Variants in CDH12 observed in about 807,000 individuals in gnomAD.
CDH12 encodes the protein cadherin 12.
Under a neutral mutation model 74.1 loss-of-function variants are expected in CDH12, and 41 were observed. That is an observed-to-expected ratio of 0.55 (90% confidence interval 0.43 to 0.72). CDH12 has a LOEUF of 0.72. Ranked by LOEUF, CDH12 falls within the 30% of genes least tolerant of loss-of-function variation. The pLI, the probability that CDH12 is intolerant of heterozygous loss-of-function variation, is 0.00. For synonymous variants in CDH12, 399 were observed against 355.0 expected (o/e 1.12, Z -1.39); for missense variants, 945 against 977.2 (o/e 0.97, Z 0.44).
chr5:22,497,059 G>A (rs1483607321), intron 2 of CDH12, among the ~76,000 whole-genome samples: 1 of 152,108 alleles, frequency 6.6e-6, no homozygotes, highest in Admixed American at 6.5e-5. Flanking sequence ...TGAACATAAT[G>A]TTAATAGTGC....
intron 4 of CDH12, among the ~76,000 whole-genome samples, chr5:22,080,811 G>T: frequency 6.6e-6 from 1 of 150,698 alleles, no homozygotes; most frequent in Non-Finnish European, 1.5e-5. Context: ...ATGGAGTCTT[G>T]CTGTGTCTCC....
intron 6 of CDH12, among the ~76,000 whole-genome samples, chr5:21,967,559 C>T (rs760164441): frequency 3.3e-5 from 5 of 151,460 alleles, no homozygotes; most frequent in Non-Finnish European, 5.9e-5. Context: ...TTGGTGGTTT[C>T]GAAAAAAAAG....
At chr5:22,166,932 C>G (rs1748716178) in intron 4 of CDH12, among the ~76,000 whole-genome samples, 1 of 152,056 alleles carries the variant, frequency 6.6e-6, no homozygotes, top group African/African-American at 2.4e-5. Flanking sequence ...ATAAGTAATA[C>G]TCTGTAAATA....
At chr5:22,300,365 A>T (rs1367369706) in intron 3 of CDH12, among the ~76,000 whole-genome samples, 1 of 152,126 alleles carries the variant, frequency 6.6e-6, no homozygotes, top group East Asian at 1.9e-4. Flanking sequence ...ATATATTTTT[A>T]AAAAGACTGT....
At chr5:22,265,826 T>C (rs1329235510) in intron 3 of CDH12, among the ~76,000 whole-genome samples, 1 of 151,954 alleles carries the variant, frequency 6.6e-6, no homozygotes, top group East Asian at 1.9e-4. Context: ...TATAAAGCAA[T>C]ATGAACAGGT....
intron 3 of CDH12, among the ~76,000 whole-genome samples, chr5:22,247,533 G>A (rs534153906): frequency 6.6e-6 from 1 of 152,156 alleles, no homozygotes; most frequent in East Asian, 1.9e-4. Context: ...AAATTAACTG[G>A]GCATGGTGGC....
chr5:22,577,757 T>G (rs1241254950), intron 1 of CDH12, among the ~76,000 whole-genome samples: 1 of 152,138 alleles, frequency 6.6e-6, no homozygotes, highest in Non-Finnish European at 1.5e-5. Flanking sequence ...TTATCCCAAG[T>G]TTTCTTTTCT....
intron 6 of CDH12, among the ~76,000 whole-genome samples, chr5:21,907,100 C>A (rs1245370877): frequency 6.6e-6 from 1 of 152,164 alleles, no homozygotes; most frequent in Non-Finnish European, 1.5e-5. Context: ...CTGTTATGTG[C>A]CGGGGAGACT....
At chr5:21,954,976 T>C (rs1174983947) in intron 6 of CDH12, among the ~76,000 whole-genome samples, 1 of 152,086 alleles carries the variant, frequency 6.6e-6, no homozygotes, top group Non-Finnish European at 1.5e-5. Flanking sequence ...CCCCAGAAGA[T>C]ACACAATGAA....
At chr5:21,921,253 C>A (rs947786837) in intron 6 of CDH12, among the ~76,000 whole-genome samples, 2 of 152,026 alleles carry the variant, frequency 1.3e-5, no homozygotes, top group African/African-American at 4.8e-5. Context: ...TTTTTTTAAG[C>A]CTTAAAATCA....
intron 1 of CDH12, among the ~76,000 whole-genome samples, chr5:22,817,411 C>A (rs576196465): frequency 1.1e-4 from 16 of 152,076 alleles, no homozygotes; most frequent in African/African-American, 2.9e-4. Context: ...AATAATTTGA[C>A]TTACAAATAT....
chr5:22,686,440 A>T (rs1451809881), intron 1 of CDH12, among the ~76,000 whole-genome samples: 1 of 152,224 alleles, frequency 6.6e-6, no homozygotes, highest in Non-Finnish European at 1.5e-5. Flanking sequence ...CATGTTCAAG[A>T]AGTCTTCGCC....
chr5:22,282,538 T>G (rs1314720074), intron 3 of CDH12, among the ~76,000 whole-genome samples: 2 of 151,638 alleles, frequency 1.3e-5, no homozygotes, highest in African/African-American at 4.8e-5. Context: ...GAACTTAAAT[T>G]TACAAGCAAA....
chr5:22,670,742 CTA>C (rs1366746560), intron 1 of CDH12, among the ~76,000 whole-genome samples: 11 of 151,848 alleles, frequency 7.2e-5, no homozygotes, highest in African/African-American at 2.7e-4. Context: ...AAAATAAACT[CTA>C]GACTTTTTAT....
At chr5:22,400,242 A>G (rs1478462758) in intron 3 of CDH12, among the ~76,000 whole-genome samples, 1 of 151,958 alleles carries the variant, frequency 6.6e-6, no homozygotes, top group Non-Finnish European at 1.5e-5. Context: ...TTTTTATTGT[A>G]TGCTTCTTTA....
chr5:22,150,867 C>A (rs1276560353), intron 4 of CDH12, among the ~76,000 whole-genome samples: 1 of 152,124 alleles, frequency 6.6e-6, no homozygotes, highest in Non-Finnish European at 1.5e-5. Context: ...AGCTTAAGAG[C>A]ACATAGCTTG....
At chr5:22,777,477 A>C (rs1285515656) in intron 1 of CDH12, among the ~76,000 whole-genome samples, 3 of 152,066 alleles carry the variant, frequency 2.0e-5, no homozygotes, top group Non-Finnish European at 4.4e-5. Flanking sequence ...TAATAACATT[A>C]TTATTATTAT....
chr5:22,652,610 T>C (rs999284424), intron 1 of CDH12, among the ~76,000 whole-genome samples: 1 of 152,200 alleles, frequency 6.6e-6, no homozygotes, highest in Non-Finnish European at 1.5e-5. Flanking sequence ...AATTAAATTT[T>C]ATCAGATTTA....
intron 2 of CDH12, among the ~76,000 whole-genome samples, chr5:22,481,908 G>A (rs1423477865): frequency 6.6e-6 from 1 of 152,054 alleles, no homozygotes; most frequent in East Asian, 1.9e-4. Flanking sequence ...GGGGGTATGA[G>A]GAAACTTTTA....
Sources: allele counts gnomAD v4.1 joint callset (sites outside exome capture counted in the v4.1 genomes callset), GRCh38; gene constraint gnomAD v4.1.1; transcripts MANE v1.5; gene names NCBI Gene and HGNC (gene_info 2026-07-23, HGNC 2026-07-21).